UNC5C: variants seen among roughly 807,000 people sequenced by gnomAD.
UNC5C encodes unc-5 netrin receptor C, also known as netrin receptor UNC5C.
UNC5C carries 47 observed loss-of-function variants against 99.8 expected under a neutral mutation model. That is an observed-to-expected ratio of 0.47 (90% CI 0.37 to 0.60). UNC5C has a LOEUF of 0.60. Ranked by LOEUF, UNC5C falls within the 20% of genes least tolerant of loss-of-function variation. UNC5C has a pLI of 0.00. For synonymous variants in UNC5C, 487 were observed against 452.2 expected, an observed-to-expected ratio of 1.08 and a Z score of -0.98; for missense variants, 1,062 against 1,165.9, an observed-to-expected ratio of 0.91 and a Z score of 1.30.
At chr4:95,355,762 G>T (rs553867307) in intron 1 of UNC5C, among the ~76,000 whole-genome samples, 16 of 152,146 alleles carry the variant, frequency 1.1e-4, no homozygotes, top group African/African-American at 3.9e-4. Context: ...AAAAGACGAG[G>T]TTTGCTGAAT....
intron 7 of UNC5C, among the ~76,000 whole-genome samples, chr4:95,225,065 G>C (rs530756981): frequency 6.6e-6 from 1 of 152,190 alleles, no homozygotes; most frequent in East Asian, 1.9e-4. Flanking sequence ...GTCACGTCCT[G>C]GTGGGCCAGG....
At chr4:95,483,036 TAATAATAAA>T (rs952826933) in intron 1 of UNC5C, among the ~76,000 whole-genome samples, 1 of 65,312 alleles carries the variant, frequency 1.5e-5, no homozygotes, top group Non-Finnish European at 3.8e-5. Flanking sequence ...ATAATAATAA[TAATAATAAA>T]AACACATGCA....
intron 1 of UNC5C, among the ~76,000 whole-genome samples, chr4:95,456,518 A>G (rs1001353856): frequency 2.0e-5 from 3 of 152,146 alleles, no homozygotes; most frequent in African/African-American, 4.8e-5. Flanking sequence ...AGTGTTCAAT[A>G]TAAATCCTGA....
intron 12 of UNC5C, among the ~76,000 whole-genome samples, chr4:95,198,668 A>G (rs1180049212): frequency 1.3e-5 from 2 of 152,148 alleles, no homozygotes; most frequent in Admixed American, 6.5e-5. Context: ...CAGCCTGGGC[A>G]GTGAAGAGAT....
intron 1 of UNC5C, among the ~76,000 whole-genome samples, chr4:95,504,286 C>T (rs1168234505): frequency 6.6e-6 from 1 of 152,060 alleles, no homozygotes; most frequent in African/African-American, 2.4e-5. Flanking sequence ...CAGCACTCCC[C>T]TCTGAACAAG....
chr4:95,451,514 A>G (rs1747278557), intron 1 of UNC5C, among the ~76,000 whole-genome samples: 1 of 152,236 alleles, frequency 6.6e-6, no homozygotes, highest in Non-Finnish European at 1.5e-5. Context: ...ACTATTTGGT[A>G]AAGTAGAGAA....
chr4:95,201,728 T>C (rs920530539), intron 12 of UNC5C, among the ~76,000 whole-genome samples: 4 of 151,962 alleles, frequency 2.6e-5, no homozygotes, highest in Non-Finnish European at 4.4e-5. Context: ...CTCAGCCTCC[T>C]GAGTAGCTGG....
rs1039695407 is a variant in UNC5C, at chr4:95,403,245, G to A, written c.125-67614C>T. On this transcript the variant is annotated intron_variant, in intron 1 of 15. Transcript: ENST00000453304. ...CTCTGAGTATTATTGAAATCCCAAA[G>A]GCAGAAACTGGAATCTGCTGGGAGA... Among the ~76,000 whole-genome samples, 5 of 152,188 alleles carry A rather than the reference G, an allele frequency of 3.3e-5. No individual in the cohort carries two copies. In the South Asian group the frequency reaches 1.0e-3, roughly 32 times the overall value.
intron 1 of UNC5C, among the ~76,000 whole-genome samples, chr4:95,437,135 T>A (rs1367173210): frequency 6.6e-6 from 1 of 151,852 alleles, no homozygotes; most frequent in Non-Finnish European, 1.5e-5. Flanking sequence ...AGTAAAAGCA[T>A]AGCTGAACAT....
intron 1 of UNC5C, among the ~76,000 whole-genome samples, chr4:95,459,311 T>C (rs777179307): frequency 2.0e-5 from 3 of 152,168 alleles, no homozygotes; most frequent in East Asian, 1.9e-4. Flanking sequence ...TGTTCCTTCC[T>C]CTAAGAACTT....
intron 3 of UNC5C, among the ~76,000 whole-genome samples, chr4:95,298,262 T>G (rs567623434): frequency 6.6e-6 from 1 of 152,268 alleles, no homozygotes; most frequent in Admixed American, 6.5e-5. Context: ...CAATGAGCTG[T>G]GTTTGCGCCA....
chr4:95,288,322 A>T (rs1350496288), intron 3 of UNC5C, among the ~76,000 whole-genome samples: 1 of 152,044 alleles, frequency 6.6e-6, no homozygotes, highest in Non-Finnish European at 1.5e-5. Flanking sequence ...TGACCTTGTG[A>T]TCCGCCTGCC....
chr4:95,398,507 T>C (rs1311521857), intron 1 of UNC5C, among the ~76,000 whole-genome samples: 3 of 152,166 alleles, frequency 2.0e-5, no homozygotes, highest in Admixed American at 1.3e-4. Context: ...AGTTCTACTG[T>C]AGCAGATAAT....
rs114939154 is a variant in UNC5C, at chr4:95,329,899, T to G, written c.346+5511A>C. 7.6e-3 allele frequency among the ~76,000 whole-genome samples: 1,154 copies of G among 152,310 alleles called. 16 individuals carry two copies. Among genetic ancestry groups the G allele is most frequent in the African/African-American group, 0.026 (1,095 of 41,566 alleles). On this transcript the variant is annotated intron_variant, in intron 2 of 15. Coordinates refer to ENST00000453304, the MANE Select transcript of UNC5C (RefSeq NM_003728.4). ...CCAACCAACCAACTGCCAAATTTTC[T>G]ACTAATGATGATGGTGATGGTGGCG...
At chr4:95,477,164 G>A (rs72876442) in intron 1 of UNC5C, among the ~76,000 whole-genome samples, 1,696 of 152,128 alleles carry the variant, frequency 0.011, 28 homozygotes, top group African/African-American at 0.038. Flanking sequence ...AGAAGATTTT[G>A]CCTACTGGCT....
intron 1 of UNC5C, among the ~76,000 whole-genome samples, chr4:95,392,643 G>T (rs938146226): frequency 2.6e-5 from 4 of 151,578 alleles, no homozygotes; most frequent in Middle Eastern, 6.8e-3. Flanking sequence ...GTCTCATTTT[G>T]TTGCTCAGGC....
At chr4:95,384,592 C>A (rs1016136854) in intron 1 of UNC5C, among the ~76,000 whole-genome samples, 3 of 151,030 alleles carry the variant, frequency 2.0e-5, no homozygotes, top group South Asian at 2.1e-4. Flanking sequence ...TGGGTAAGAA[C>A]CTAATGGGTC....
At chr4:95,250,429 G>T in intron 5 of UNC5C, 58 bp downstream of exon 5, 1 of 1,540,528 alleles carries the variant, frequency 6.5e-7, no homozygotes, top group Non-Finnish European at 8.8e-7. Context: ...CTTTACCGAT[G>T]CCAACGAGAA....
In UNC5C at chr4:95,271,240, T is replaced by G. The variant is rs967379766; in HGVS notation, c.594+7019A>C. ...AGGTTTATTTTTTATTTATTTTTTT[T>G]TTTTTGAGACGGAGTCTCGCTCTGT... On this transcript the variant is annotated intron_variant, in intron 4 of 15. Transcript: ENST00000453304. 4.0e-5 allele frequency among the ~76,000 whole-genome samples: 6 copies of G among 150,316 alleles called. No homozygotes were observed. In the South Asian group the frequency reaches 6.4e-4, roughly 16 times the overall value.
Sources: allele counts gnomAD v4.1 joint callset (sites outside exome capture counted in the v4.1 genomes callset), GRCh38; gene constraint gnomAD v4.1.1; transcripts MANE v1.5; gene names NCBI Gene and HGNC (gene_info 2026-07-23, HGNC 2026-07-21).